LMF1: variants seen among roughly 807,000 people sequenced by gnomAD.
The protein encoded by LMF1 is lipase maturation factor 1, also known as transmembrane protein 112.
LMF1 carries 68 observed loss-of-function variants against 60.6 expected under a neutral mutation model. The ratio of observed to expected loss-of-function variants is 1.12; its 90% CI spans 0.92 to 1.37. LMF1 has a LOEUF of 1.37. LMF1 is among the 40% of genes most tolerant of loss of function. LMF1 has a pLI of 0.00. For missense variants in LMF1, 948 were observed against 767.2 expected, an observed-to-expected ratio of 1.24 and a Z score of -2.78; for synonymous variants, 418 against 324.7, an observed-to-expected ratio of 1.29 and a Z score of -3.09.
intron 6 of LMF1, among the ~76,000 whole-genome samples, chr16:876,949 GAT>G: frequency 6.6e-6 from 1 of 152,352 alleles, no homozygotes; most frequent in Non-Finnish European, 1.5e-5. Flanking sequence ...TGTCAGTTGA[GAT>G]ATACGGGCCT....
upstream of LMF1, chr16:981,536 CGGG>C (rs34053063): frequency 6.0e-6 from 1 of 167,426 alleles, no homozygotes; most frequent in Non-Finnish European, 1.3e-5. Flanking sequence ...CTTCCTTTCC[CGGG>C]GCTCCAGAGA....
intron 3 of LMF1, 182 bp downstream of exon 3, chr16:934,062 C>G: frequency 6.6e-7 from 1 of 1,515,832 alleles, no homozygotes; most frequent in South Asian, 1.2e-5. Flanking sequence ...CCCAGGAGCT[C>G]CCACATCCAG....
At chr16:889,952 G>A (rs1452728888) in intron 5 of LMF1, among the ~76,000 whole-genome samples, 1 of 152,160 alleles carries the variant, frequency 6.6e-6, no homozygotes, top group Non-Finnish European at 1.5e-5. Flanking sequence ...GCCTGACACT[G>A]GCTGGCCCTG....
intron 5 of LMF1, among the ~76,000 whole-genome samples, chr16:888,974 T>C (rs1344924355): frequency 6.6e-6 from 1 of 152,124 alleles, no homozygotes; most frequent in Admixed American, 6.5e-5. Flanking sequence ...CTCACAACGG[T>C]GCTGAGGACA....
At position 869,066 on chromosome 16, in the gene LMF1, G is replaced by A; in HGVS notation, c.1417-10C>T. The A allele has an allele frequency of 6.3e-7, 1 of 1,592,966 alleles. No individual in the cohort carries two copies. The highest frequency in any genetic ancestry group is 8.6e-7 in the Non-Finnish European group (1 of 1,161,832). ...CGTTGTGCTCGTAGGTCTGGGAGGA[G>A]AGGTCGGGCTGGAGACGGCTGTGCC... is the stretch of plus-strand genomic sequence containing the variant. On this transcript the variant is annotated splice_polypyrimidine_tract_variant and intron_variant, in intron 9 of 10. Coordinates refer to ENST00000262301, the MANE Select transcript of LMF1 (RefSeq NM_022773.4).
intron 2 of LMF1, among the ~76,000 whole-genome samples, chr16:950,452 G>C (rs1406071271): frequency 1.5e-5 from 2 of 131,422 alleles, no homozygotes; most frequent in Admixed American, 7.7e-5. Context: ...GACAGAGTCA[G>C]CCAACGACAG....
intron 4 of LMF1, chr16:900,537 T>G (rs2070779952): frequency 1.3e-5 from 2 of 152,102 alleles, no homozygotes. Context: ...TGAGCTGGAG[T>G]CTCACTCTGT....
intron 6 of LMF1, chr16:873,256 A>AGCC (rs1596870594): frequency 6.6e-6 from 1 of 152,380 alleles, no homozygotes; most frequent in East Asian, 1.9e-4. Context: ...AGCATCACTG[A>AGCC]GCCATCTCCT....
rs1029341178 is a variant in LMF1 at position 980,676 on chromosome 16, G to C, written c.-135+469C>G. The C allele has an allele frequency of 4.9e-5, 7 of 143,384 alleles. No homozygotes were observed. In the East Asian group the frequency reaches 1.2e-3, roughly 25 times the overall value. 8.9% of individuals were successfully genotyped at this position (143,384 alleles called of 1,614,324 possible). On this transcript the variant is annotated intron_variant, in intron 1 of 6. Transcript: ENST00000570014. The stretch of plus-strand genomic sequence containing the variant: ...AAGGATCCGAGCCACCCTCGGGGAC[G>C]GCCGGGCCGAGGCCACCTCGCGGGG...
chr16:959,477 GC>G (rs1456125475), intron 1 of LMF1, among the ~76,000 whole-genome samples: 1 of 152,158 alleles, frequency 6.6e-6, no homozygotes, highest in Non-Finnish European at 1.5e-5. Context: ...TGGAGGCAAA[GC>G]CCACAGCACT....
intron 1 of LMF1, among the ~76,000 whole-genome samples, chr16:966,221 C>T (rs926713752): frequency 6.6e-6 from 1 of 152,196 alleles, no homozygotes; most frequent in Admixed American, 6.5e-5. Context: ...TCAGGCACCA[C>T]GGCTCGTCCA....
At chr16:955,130 T>C (rs200009044) in intron 1 of LMF1, among the ~76,000 whole-genome samples, 2,201 of 45,912 alleles carry the variant, frequency 0.048, 240 homozygotes, top group African/African-American at 0.15. Context: ...CTAAGTAAAC[T>C]AGACAAGTTA....
At chr16:868,448 C>A (rs979338744) in intron 10 of LMF1, among the ~76,000 whole-genome samples, 2 of 152,196 alleles carry the variant, frequency 1.3e-5, no homozygotes, top group Non-Finnish European at 1.5e-5. Context: ...TCCTGAGAAT[C>A]TGACCCTGCG....
chr16:975,959 C>T (rs2073129779), upstream of LMF1: 2 of 453,596 alleles, frequency 4.4e-6, no homozygotes, highest in South Asian at 3.1e-5. Flanking sequence ...TGGGAGGTTT[C>T]AAATGTGGAC....
intron 10 of LMF1, among the ~76,000 whole-genome samples, chr16:864,054 T>G (rs985723455): frequency 1.4e-4 from 22 of 152,338 alleles, no homozygotes; most frequent in Middle Eastern, 6.8e-3. Flanking sequence ...TGTTGAAACA[T>G]CCAGCCGTAA....
chr16:914,087 G>A (rs942048591), intron 3 of LMF1, among the ~76,000 whole-genome samples: 8 of 152,064 alleles, frequency 5.3e-5, no homozygotes, highest in African/African-American at 9.7e-5. Flanking sequence ...GCAGCTACAC[G>A]CACGGTCTTC....
intron 2 of LMF1, among the ~76,000 whole-genome samples, chr16:951,407 G>C (rs1428946338): frequency 1.2e-4 from 19 of 152,266 alleles, no homozygotes; most frequent in Non-Finnish European, 2.1e-4. Context: ...AGCGACTTCA[G>C]ATACTATAGC....
At chr16:950,996 G>A (rs1169802695) in intron 2 of LMF1, among the ~76,000 whole-genome samples, 77 of 149,704 alleles carry the variant, frequency 5.1e-4, no homozygotes, top group African/African-American at 1.8e-3. Flanking sequence ...CAATGACAGA[G>A]TCAGCCAATG....
chr16:936,041 G>A (rs919777347), intron 2 of LMF1, among the ~76,000 whole-genome samples: 8 of 152,262 alleles, frequency 5.3e-5, no homozygotes, highest in Admixed American at 3.3e-4. Context: ...AAAAGAGTAC[G>A]AAGTCTAGAT....
Sources: gnomAD v4.1 joint callset for allele counts (sites outside exome capture counted in the v4.1 genomes callset) on GRCh38, gnomAD v4.1.1 for gene constraint, MANE v1.5 for transcripts, NCBI Gene and HGNC (gene_info 2026-07-23, HGNC 2026-07-21) for gene names.